Variants in RBBP4 observed in about 807,000 individuals in gnomAD.
RBBP4 encodes the protein histone-binding protein RBBP4.
A neutral mutation model predicts 57.2 loss-of-function variants in RBBP4; 3 were observed. The ratio of observed to expected loss-of-function variants is 0.05; its 90% CI spans 0.02 to 0.14. RBBP4 has a LOEUF of 0.14. Ranked by LOEUF, RBBP4 falls within the 10% of genes least tolerant of loss-of-function variation. The pLI, the probability that RBBP4 is intolerant of heterozygous loss-of-function variation, is 1.00. For missense variants in RBBP4, 107 were observed against 520.6 expected (o/e 0.21, Z 7.73); for synonymous variants, 151 against 171.5 (o/e 0.88, Z 0.93).
At chr1:32,656,780 T>C (rs752741497) in intron 2 of RBBP4, among the ~76,000 whole-genome samples, 25 of 152,182 alleles carry the variant, frequency 1.6e-4, no homozygotes, top group Non-Finnish European at 2.8e-4. Flanking sequence ...TTATTTACTC[T>C]TCTTTCCCTT....
chr1:32,674,834 T>G (rs916826976), intron 11 of RBBP4, among the ~76,000 whole-genome samples: 5 of 151,872 alleles, frequency 3.3e-5, no homozygotes, highest in African/African-American at 1.2e-4. Flanking sequence ...TTCAAGCAAT[T>G]CTCCTGCCTC....
chr1:32,652,657 A>G (rs540518676), intron 2 of RBBP4, among the ~76,000 whole-genome samples: 17 of 152,184 alleles, frequency 1.1e-4, no homozygotes, highest in African/African-American at 3.4e-4. Context: ...TCTCCTGCCT[A>G]AGCCCTCCCA....
intron 8 of RBBP4, among the ~76,000 whole-genome samples, chr1:32,670,559 A>G (rs940090609): frequency 1.2e-4 from 5 of 43,158 alleles, no homozygotes; most frequent in Non-Finnish European, 6.5e-4. Context: ...GGAGCCCCCA[A>G]TTTTTTTATT....
chr1:32,671,882 G>A (rs754910102), intron 8 of RBBP4, among the ~76,000 whole-genome samples: 3 of 152,076 alleles, frequency 2.0e-5, no homozygotes, highest in Non-Finnish European at 4.4e-5. Flanking sequence ...GACAGAGCAA[G>A]ACTTCCGTCT....
At chr1:32,655,235 C>G (rs1159039072) in intron 2 of RBBP4, among the ~76,000 whole-genome samples, 1 of 152,100 alleles carries the variant, frequency 6.6e-6, no homozygotes, top group Non-Finnish European at 1.5e-5. Flanking sequence ...CTTTGACCTC[C>G]CAAAGTGCTG....
At chr1:32,658,307 A>G (rs1331064126) in intron 3 of RBBP4, among the ~76,000 whole-genome samples, 1 of 150,704 alleles carries the variant, frequency 6.6e-6, no homozygotes, top group Non-Finnish European at 1.5e-5. Flanking sequence ...TTAAAATTTC[A>G]TGGGACTGGT....
chr1:32,657,114 A>G (rs922552013), intron 2 of RBBP4, among the ~76,000 whole-genome samples: 7 of 152,030 alleles, frequency 4.6e-5, no homozygotes, highest in Non-Finnish European at 1.0e-4. Context: ...CGTCTCTACT[A>G]AAAATACGAA....
chr1:32,653,303 A>G (rs1210764697), intron 2 of RBBP4, among the ~76,000 whole-genome samples: 1 of 152,212 alleles, frequency 6.6e-6, no homozygotes, highest in Non-Finnish European at 1.5e-5. Context: ...CATAGTTTTA[A>G]CAAGACCATT....
chr1:32,668,465 A>C (rs898236292), intron 4 of RBBP4, 67 bp downstream of exon 4: 2 of 1,405,276 alleles, frequency 1.4e-6, no homozygotes, highest in Admixed American at 2.0e-5. Flanking sequence ...ACTCACTGTG[A>C]GTTTAATTGC....
At chr1:32,661,145 T>C (rs1456387114) in intron 3 of RBBP4, among the ~76,000 whole-genome samples, 5 of 152,208 alleles carry the variant, frequency 3.3e-5, no homozygotes, top group Non-Finnish European at 7.4e-5. Context: ...CAACCATTGA[T>C]GGACACTTGG....
chr1:32,661,131 C>A (rs993487753), intron 3 of RBBP4, among the ~76,000 whole-genome samples: 1 of 152,108 alleles, frequency 6.6e-6, no homozygotes, highest in Non-Finnish European at 1.5e-5. Flanking sequence ...TTTTTTTATT[C>A]AGTCAACCAT....
chr1:32,668,875 G>A (rs1648759152), intron 5 of RBBP4, 21 bp downstream of exon 5: 1 of 1,613,058 alleles, frequency 6.2e-7, no homozygotes, highest in African/African-American at 1.3e-5. Flanking sequence ...TTCCCATTTT[G>A]AAGCAAATCT....
chr1:32,651,550 GT>G, intron 1 of RBBP4: 1 of 1,190,788 alleles, frequency 8.4e-7, no homozygotes, highest in East Asian at 3.0e-5. Context: ...GCCAGTGTTT[GT>G]TTCTCTTCCT....
At position 32,661,870 on chromosome 1, in the gene RBBP4, CTTTTTTTTTTTTTTTTT is replaced by C. The variant is rs71006354; in HGVS notation, c.310+4318_310+4334del. On this transcript the variant is annotated intron_variant, in intron 3 of 11. Transcript: ENST00000373493. Reference sequence around the variant, plus strand: ...AGTGTCTGTTCATGTCCTTTGCCCACTTTTTTTTTTTTTTTTTTTTTTTTTTTTTTTTTTTTGAGACA... The same window carrying C: ...AGTGTCTGTTCATGTCCTTTGCCCACTTTTTTTTTTTTTTTTTTTGAGACA... 8.9e-4 allele frequency among the ~76,000 whole-genome samples: 44 copies of C among 49,306 alleles called. 1 individual carries two copies. The East Asian group carries it at 0.016, about 18-fold the overall frequency. 32.3% of individuals were successfully genotyped at this position (49,306 alleles called of 152,430 possible).
intron 2 of RBBP4, 112 bp from the exon 3 acceptor site, chr1:32,657,315 C>T: frequency 9.7e-7 from 1 of 1,028,868 alleles, no homozygotes; most frequent in East Asian, 2.5e-5. Context: ...ATGACTTTTT[C>T]CCCTCTCTTA....
chr1:32,672,996 G>A, intron 11 of RBBP4, 95 bp downstream of exon 11: 2 of 1,008,346 alleles, frequency 2.0e-6, no homozygotes, highest in Non-Finnish European at 3.0e-6. Flanking sequence ...TACCATCTCT[G>A]TTCATTTTAC....
intron 3 of RBBP4, among the ~76,000 whole-genome samples, chr1:32,659,081 C>T (rs903024438): frequency 1.0e-4 from 15 of 146,144 alleles, no homozygotes; most frequent in Non-Finnish European, 4.5e-5. Context: ...TGTAAAACTA[C>T]ATGTGTATAT....
chr1:32,652,244 G>A, intron 2 of RBBP4, 183 bp downstream of exon 2: 2 of 675,936 alleles, frequency 3.0e-6, no homozygotes, highest in South Asian at 2.3e-5. Context: ...TACCTGACAA[G>A]AGAAAACATA....
At chr1:32,670,465 A>G (rs1448215003) in intron 8 of RBBP4, among the ~76,000 whole-genome samples, 2 of 152,230 alleles carry the variant, frequency 1.3e-5, no homozygotes, top group African/African-American at 4.8e-5. Context: ...GCAAAAATTA[A>G]AAAAAGAAAT....
Sources: gnomAD v4.1 joint callset for allele counts (sites outside exome capture counted in the v4.1 genomes callset) on GRCh38, gnomAD v4.1.1 for gene constraint, MANE v1.5 for transcripts, NCBI Gene and HGNC (gene_info 2026-07-23, HGNC 2026-07-21) for gene names.